The following PRKCZ variants were observed in gnomAD, a reference collection of about 807,000 sequenced individuals.
PRKCZ encodes protein kinase C zeta type.
Under a neutral mutation model 79.5 loss-of-function variants are expected in PRKCZ, and 33 were observed. The ratio of observed to expected loss-of-function variants is 0.41; its 90% CI spans 0.31 to 0.55. The LOEUF (loss-of-function observed/expected upper bound fraction) is 0.55. Among genes scored for constraint, PRKCZ ranks in the 20% least tolerant of loss-of-function variants. PRKCZ has a pLI of 0.19. For synonymous variants in PRKCZ, 342 were observed against 320.9 expected (o/e 1.07, Z -0.70); for missense variants, 578 against 813.5 (o/e 0.71, Z 3.52).
At chr1:2,107,974 ACAGTGTCAAGGGAGCCCCCCAACCCCGG>A (rs887196756) in intron 4 of PRKCZ, among the ~76,000 whole-genome samples, 5 of 148,252 alleles carry the variant, frequency 3.4e-5, no homozygotes, top group East Asian at 2.0e-4. Context: ...GAGCCCCCAG[ACAGTGTCAAGGGAGCCCCCCAACCCCGG>A]CAGTGTCAAG....
intron 4 of PRKCZ, among the ~76,000 whole-genome samples, chr1:2,122,266 C>T (rs868665880): frequency 7.8e-4 from 1 of 1,282 alleles, no homozygotes; most frequent in African/African-American, 8.3e-3. Flanking sequence ...GTTAGGGTCA[C>T]GGTGGTGGTT....
At chr1:2,130,852 A>G (rs1426418299) in intron 4 of PRKCZ, among the ~76,000 whole-genome samples, 2 of 152,094 alleles carry the variant, frequency 1.3e-5, no homozygotes, top group South Asian at 4.1e-4. Flanking sequence ...CATACAGTGA[A>G]CCATTGCAGG....
rs900105769 is a variant in PRKCZ at position 2,177,216 on chromosome 1, C to T, written c.1575+1903C>T. ...ATCCCCTTGTCTCTGGCCCACAGAA[C>T]CCCTCCGGTCCACACACACACTCAG... On this transcript the variant is annotated intron_variant, in intron 16 of 17. Coordinates refer to ENST00000378567, the MANE Select transcript of PRKCZ (RefSeq NM_002744.6). This position sits in a 1 kb window ranked among gnomAD's most constrained non-coding sequence, Gnocchi z 6.4. 1.3e-5 allele frequency among the ~76,000 whole-genome samples: 2 copies of T among 152,162 alleles called. No individual in the cohort carries two copies. The highest frequency in any genetic ancestry group is 4.8e-5 in the African/African-American group (2 of 41,416).
rs377139305 is a variant in PRKCZ, at chr1:2,053,389, G to A, written c.72-2052G>A. ...GCTGGGATGAAAGGCGTGAGTCACC[G>A]CGCCTGGCCCAGCTCAGACAACGTT... On this transcript the variant is annotated intron_variant, in intron 1 of 17. Transcript: ENST00000378567. 2.4e-4 allele frequency among the ~76,000 whole-genome samples: 37 copies of A among 152,304 alleles called. No homozygotes were observed. The East Asian group carries it at 4.6e-3, about 19-fold the overall frequency.
intron 4 of PRKCZ, among the ~76,000 whole-genome samples, chr1:2,130,434 G>A (rs938754950): frequency 6.6e-6 from 1 of 152,200 alleles, no homozygotes; most frequent in Admixed American, 6.5e-5. Context: ...GGGGCTGGGA[G>A]GGCGAGGAAA....
At chr1:2,095,637 CT>C (rs1052722616) in intron 4 of PRKCZ, among the ~76,000 whole-genome samples, 10 of 152,062 alleles carry the variant, frequency 6.6e-5, no homozygotes, top group Non-Finnish European at 1.3e-4. Flanking sequence ...TGCCCTGCCC[CT>C]GTCTCCCGCA....
intron 4 of PRKCZ, among the ~76,000 whole-genome samples, chr1:2,103,390 C>T (rs1174495843): frequency 3.3e-5 from 5 of 150,830 alleles, no homozygotes; most frequent in Non-Finnish European, 7.3e-5. Context: ...GTTCAAGACA[C>T]AGTTACACAG....
Position 2,177,987 on chromosome 1 carries a change from A to G in PRKCZ, c.1575+2674A>G, listed in dbSNP as rs1356604285. On this transcript the variant is annotated intron_variant, in intron 16 of 17. Transcript: ENST00000378567. This position sits in a 1 kb window ranked among gnomAD's most constrained non-coding sequence, Gnocchi z 6.4. ...CCCATCAGCTCTTGAGGCTTTTAGG[A>G]AGAAGTGTGGCTGTTTTGGCCAGAT... Among the ~76,000 whole-genome samples the G allele has an allele frequency of 6.6e-6, 1 of 152,052 alleles. No homozygotes were observed. Among genetic ancestry groups the G allele is most frequent in the African/African-American group, 2.4e-5 (1 of 41,384 alleles).
chr1:2,147,955 A>G lies in PRKCZ; in HGVS notation c.635-917A>G, dbSNP rs563824080. Among the ~76,000 whole-genome samples, 16 of 147,988 alleles carry G rather than the reference A, an allele frequency of 1.1e-4. No homozygotes were observed. The East Asian group carries it at 3.2e-3, about 30-fold the overall frequency. On this transcript the variant is annotated intron_variant, in intron 7 of 17. Transcript: ENST00000378567. ...CCGTCTATCCATCTATCTATTGTCC[A>G]CTGACCTCTCCATCTATCCATCTAT...
chr1:2,074,346 A>G, intron 4 of PRKCZ: 1 of 1,540,110 alleles, frequency 6.5e-7, no homozygotes, highest in African/African-American at 1.4e-5. Flanking sequence ...GCTTGGGGAA[A>G]TCGTCTTGGG....
rs6698042 is a variant in PRKCZ, at chr1:2,060,515, C to T, written c.334+924C>T. Among the ~76,000 whole-genome samples, 5 of 109,062 alleles carry T rather than the reference C, an allele frequency of 4.6e-5. No homozygotes were observed. The East Asian group carries it at 1.0e-3, about 22-fold the overall frequency. The allele number at this position is 109,062 out of a possible 152,430, so 71.5% of individuals were successfully genotyped here. A position where few individuals can be genotyped will look rare whatever the true frequency, so the allele number is the denominator to read the frequency against. On this transcript the variant is annotated intron_variant, in intron 4 of 17. Transcript: ENST00000378567. ...AGGGGGCGAGAGTCTCGGCTTCCAG[C>T]GAGAAGTGGGGCTGAATAGAGGTTT...
intron 5 of PRKCZ, among the ~76,000 whole-genome samples, chr1:2,136,260 C>T (rs1046129532): frequency 3.3e-5 from 5 of 152,216 alleles, no homozygotes; most frequent in Admixed American, 1.3e-4. Context: ...CCTGCCCCTG[C>T]GTGTGCTCGG....
At chr1:2,074,425 GTTGTGGGTCT>G in intron 4 of PRKCZ, 1 of 1,159,900 alleles carries the variant, frequency 8.6e-7, no homozygotes, top group Non-Finnish European at 1.2e-6. Flanking sequence ...ATGCTTTTTG[GTTGTGGGTCT>G]GTGGGTCTGT....
intron 9 of PRKCZ, among the ~76,000 whole-genome samples, chr1:2,155,727 TG>T (rs1252393961): frequency 3.0e-5 from 4 of 132,986 alleles, no homozygotes; most frequent in African/African-American, 8.6e-5. Context: ...ACGATGATAG[TG>T]GGGGGTGGGG....
At chr1:2,088,539 C>G (rs1199080568) in intron 4 of PRKCZ, among the ~76,000 whole-genome samples, 1 of 152,246 alleles carries the variant, frequency 6.6e-6, no homozygotes, top group African/African-American at 2.4e-5. Context: ...GACTCAGCCT[C>G]TCCATCCCAC....
Position 2,174,091 on chromosome 1 carries a change from G to C in PRKCZ, c.1405+75G>C. Reference sequence around the variant, plus strand: ...CTTCCTTTTCAAAGGTGCAGGTGGAGGGGTCCCGCGGGTGCCTGGAGCGGC... The same window carrying C: ...CTTCCTTTTCAAAGGTGCAGGTGGACGGGTCCCGCGGGTGCCTGGAGCGGC... On this transcript the variant is annotated intron_variant, in intron 14 of 17. Coordinates refer to ENST00000378567, the MANE Select transcript of PRKCZ (RefSeq NM_002744.6). This position sits in a 1 kb window ranked among gnomAD's most constrained non-coding sequence, Gnocchi z 6.2. 6.8e-7 allele frequency: 1 copy of C among 1,479,076 alleles called. No individual in the cohort carries two copies. The highest frequency in any genetic ancestry group is 2.3e-5 in the Admixed American group (1 of 43,622). The allele number at this position is 1,479,076 out of a possible 1,614,324, so 91.6% of individuals were successfully genotyped here.
At chr1:2,183,204 C>T (rs1164201180) in intron 16 of PRKCZ, among the ~76,000 whole-genome samples, 2 of 149,048 alleles carry the variant, frequency 1.3e-5, no homozygotes, top group African/African-American at 5.1e-5. Flanking sequence ...GCACTTCAGC[C>T]TGGGAGACAG....
At chr1:2,053,102 C>CT (rs1659837148) in intron 1 of PRKCZ, among the ~76,000 whole-genome samples, 1 of 149,516 alleles carries the variant, frequency 6.7e-6, no homozygotes, top group Non-Finnish European at 1.5e-5. Flanking sequence ...GCTCTTCCCT[C>CT]TTTCAGCTCA....
chr1:2,143,375 GA>G (rs1367704570), intron 5 of PRKCZ: 4 of 152,252 alleles, frequency 2.6e-5, no homozygotes, highest in Admixed American at 6.5e-5. Context: ...TCTGTAATAG[GA>G]AGGAAATTTG....
Sources: gnomAD v4.1 joint callset for allele counts (sites outside exome capture counted in the v4.1 genomes callset) on GRCh38, gnomAD v4.1.1 for gene constraint, Gnocchi (gnomAD v3.1) non-coding constraint, MANE v1.5 for transcripts, NCBI Gene and HGNC (gene_info 2026-07-23, HGNC 2026-07-21) for gene names.